The following CNOT6 variants were observed in gnomAD, a reference collection of about 807,000 sequenced individuals.
The protein encoded by CNOT6 is carbon catabolite repression 4 protein.
CNOT6 carries 12 observed loss-of-function variants against 61.2 expected under a neutral mutation model. The ratio of observed to expected loss-of-function variants is 0.20; its 90% CI spans 0.13 to 0.32. CNOT6 has a LOEUF of 0.32. Ranked by LOEUF, CNOT6 falls within the 10% of genes least tolerant of loss-of-function variation. The pLI is 1.00. For synonymous variants in CNOT6, 225 were observed against 240.6 expected (o/e 0.94, Z 0.60); for missense variants, 405 against 663.9 (o/e 0.61, Z 4.28).
Position 180,565,959 on chromosome 5 carries a change from T to C in CNOT6, c.699T>C (p.Ala233=), listed in dbSNP as rs1561664695. The change falls in exon 7 of 12, where the codon GCT becomes GCC. Residue 233 remains alanine (A), a synonymous_variant. Coordinates refer to ENST00000261951, the MANE Select transcript of CNOT6 (RefSeq NM_001370472.1). ...TTCAAGAAATCTTGAGCTGCAATGC[T>C]GATATCGTAAGTCTTCAGGTAAGTC... ...AIIQEILSCN[A]DIVSLQEVET... The C allele has an allele frequency of 1.9e-6, 3 of 1,613,374 alleles. No individual in the cohort carries two copies. Among genetic ancestry groups the C allele is most frequent in the South Asian group, 1.1e-5 (1 of 90,932 alleles).
At chr5:180,550,223 G>T in intron 3 of CNOT6, 106 bp downstream of exon 3, 4 of 804,438 alleles carry the variant, frequency 5.0e-6, no homozygotes, top group Middle Eastern at 2.5e-4. Flanking sequence ...GGGAGGCTGC[G>T]AGAGGATCAT....
At chr5:180,502,209 G>A (rs1197079906) in intron 1 of CNOT6, among the ~76,000 whole-genome samples, 1 of 152,040 alleles carries the variant, frequency 6.6e-6, no homozygotes, top group African/African-American at 2.4e-5. Flanking sequence ...CTGATCTATT[G>A]GTTGAAATTA....
intron 2 of CNOT6, 112 bp downstream of exon 2, chr5:180,529,500 A>G (rs1313564358): frequency 2.6e-5 from 18 of 689,224 alleles, no homozygotes; most frequent in Non-Finnish European, 4.4e-5. Flanking sequence ...TACAAATGTA[A>G]TGTATTTATA....
chr5:180,519,561 G>T (rs1757791385), intron 1 of CNOT6, among the ~76,000 whole-genome samples: 1 of 152,078 alleles, frequency 6.6e-6, no homozygotes, highest in Admixed American at 6.5e-5. Flanking sequence ...CAATGTACAT[G>T]TACACCTTAA....
intron 1 of CNOT6, among the ~76,000 whole-genome samples, chr5:180,524,567 C>T (rs1758011050): frequency 6.6e-6 from 1 of 152,048 alleles, no homozygotes; most frequent in African/African-American, 2.4e-5. Context: ...CAGCCAGTCT[C>T]ACAATACGAA....
chr5:180,554,890 T>G (rs1193065000), intron 4 of CNOT6, among the ~76,000 whole-genome samples: 2 of 152,216 alleles, frequency 1.3e-5, no homozygotes, highest in Non-Finnish European at 2.9e-5. Context: ...GGTATGTTTT[T>G]CCAATTCAAG....
chr5:180,569,440 TCA>T, intron 10 of CNOT6, 100 bp downstream of exon 10: 1 of 1,007,858 alleles, frequency 9.9e-7, no homozygotes, highest in Non-Finnish European at 1.5e-6. Flanking sequence ...AAATAAAAAT[TCA>T]GTTTGTAATG....
At chr5:180,558,382 C>G (rs981772560) in intron 4 of CNOT6, among the ~76,000 whole-genome samples, 1 of 152,090 alleles carries the variant, frequency 6.6e-6, no homozygotes, top group African/African-American at 2.4e-5. Context: ...GAGAGTGAGA[C>G]CTTGGGCGGT....
chr5:180,523,662 CACTTT>C (rs1757969134), intron 1 of CNOT6, among the ~76,000 whole-genome samples: 1 of 152,034 alleles, frequency 6.6e-6, no homozygotes, highest in Admixed American at 6.6e-5. Context: ...CATTTCTTTT[CACTTT>C]ACTTCATATT....
chr5:180,543,437 G>A (rs1227011111), intron 2 of CNOT6, among the ~76,000 whole-genome samples: 1 of 152,156 alleles, frequency 6.6e-6, no homozygotes, highest in Admixed American at 6.5e-5. Flanking sequence ...TGTGAACATA[G>A]TTCCACATCA....
chr5:180,516,664 A>C (rs948814736), intron 1 of CNOT6, among the ~76,000 whole-genome samples: 5 of 152,216 alleles, frequency 3.3e-5, no homozygotes, highest in Non-Finnish European at 5.9e-5. Flanking sequence ...TAATGTAAAC[A>C]TGAACTAGGT....
At chr5:180,524,895 G>T (rs1178760913) in intron 1 of CNOT6, among the ~76,000 whole-genome samples, 1 of 152,194 alleles carries the variant, frequency 6.6e-6, no homozygotes, top group African/African-American at 2.4e-5. Context: ...AGTCTGGTCA[G>T]AACAGTGGCA....
chr5:180,497,397 ATTC>A (rs1451033182), intron 1 of CNOT6, among the ~76,000 whole-genome samples: 16 of 151,856 alleles, frequency 1.1e-4, no homozygotes, highest in African/African-American at 3.4e-4. Flanking sequence ...GCCTTCTTAT[ATTC>A]TTTAAATGAT....
intron 3 of CNOT6, among the ~76,000 whole-genome samples, chr5:180,552,158 C>T (rs553248615): frequency 4.6e-5 from 7 of 151,554 alleles, no homozygotes; most frequent in South Asian, 4.2e-4. Context: ...CGTGAGCCAC[C>T]GTGCCCAGCC....
At chr5:180,546,301 C>G (rs1331259123) in intron 2 of CNOT6, among the ~76,000 whole-genome samples, 1 of 152,072 alleles carries the variant, frequency 6.6e-6, no homozygotes, top group Admixed American at 6.6e-5. Flanking sequence ...TTTCTTCACT[C>G]TCTTGTTTTG....
intron 1 of CNOT6, among the ~76,000 whole-genome samples, chr5:180,497,337 A>G (rs1002453066): frequency 6.6e-6 from 1 of 152,036 alleles, no homozygotes; most frequent in East Asian, 1.9e-4. Flanking sequence ...AAAAAAAAAA[A>G]AAAAAGTATG....
chr5:180,509,982 T>A (rs749353484), intron 1 of CNOT6, among the ~76,000 whole-genome samples: 1 of 151,930 alleles, frequency 6.6e-6, no homozygotes, highest in Non-Finnish European at 1.5e-5. Context: ...TGTGTAGTTA[T>A]GATTTAAGTT....
Position 180,494,533 on chromosome 5 carries a change from G to T in CNOT6, c.-233G>T, listed in dbSNP as rs936669231. 3 of 153,176 alleles carry T rather than the reference G, an allele frequency of 2.0e-5. No homozygotes were observed. Among genetic ancestry groups the T allele is most frequent in the African/African-American group, 7.3e-5 (3 of 41,300 alleles). The allele number at this position is 153,176 out of a possible 1,614,324, so 9.5% of individuals were successfully genotyped here. ...CGAGGAGGGCGAGGCCGGGGGCCGA[G>T]AGGGCGGGAGGGCGTAGTGGCGGCC... On this transcript the variant is annotated 5_prime_UTR_variant, in exon 1 of 12. It introduces an in-frame stop codon into an upstream open reading frame of the 5' UTR. Transcript: ENST00000261951.
intron 4 of CNOT6, among the ~76,000 whole-genome samples, chr5:180,559,423 C>A (rs1298092471): frequency 6.6e-6 from 1 of 152,194 alleles, no homozygotes; most frequent in East Asian, 1.9e-4. Context: ...AATATAACCA[C>A]TCCTGCTTTC....
Sources: gnomAD v4.1 joint callset for allele counts (sites outside exome capture counted in the v4.1 genomes callset) on GRCh38, gnomAD v4.1.1 for gene constraint, MANE v1.5 for transcripts, NCBI Gene and HGNC (gene_info 2026-07-23, HGNC 2026-07-21) for gene names.